The following NEDD4L variants were observed in gnomAD, a reference collection of about 807,000 sequenced individuals.
The protein encoded by NEDD4L is E3 ubiquitin-protein ligase NEDD4-like.
NEDD4L carries 54 observed loss-of-function variants against 148.9 expected under a neutral mutation model. The ratio of observed to expected loss-of-function variants is 0.36; its 90% CI spans 0.29 to 0.45. The LOEUF (loss-of-function observed/expected upper bound fraction) is 0.45, where lower values mean the gene tolerates loss of function less well. Among genes scored for constraint, NEDD4L ranks in the 20% least tolerant of loss-of-function variants. The pLI, the probability that NEDD4L is intolerant of heterozygous loss-of-function variation, is 1.00. For missense variants in NEDD4L, 856 were observed against 1,233.8 expected (o/e 0.69, Z 4.59); for synonymous variants, 433 against 440.7 (o/e 0.98, Z 0.22).
intron 2 of NEDD4L, among the ~76,000 whole-genome samples, chr18:58,180,821 G>T (rs952590304): frequency 6.6e-6 from 1 of 152,202 alleles, no homozygotes; most frequent in Non-Finnish European, 1.5e-5. Context: ...CTGCAGAGGG[G>T]CTCTGCCCAT....
In NEDD4L at chr18:58,397,256, G is replaced by T. The variant is rs1484242599; in HGVS notation, c.*987G>T. 1 of 152,626 alleles carries T rather than the reference G, an allele frequency of 6.6e-6. No homozygotes were observed. Among genetic ancestry groups the T allele is most frequent in the Non-Finnish European group, 1.5e-5 (1 of 68,034 alleles). The allele number at this position is 152,626 out of a possible 1,614,324, so 9.5% of individuals were successfully genotyped here. On this transcript the variant is annotated 3_prime_UTR_variant, in exon 31 of 31. Coordinates refer to ENST00000400345, the MANE Select transcript of NEDD4L (RefSeq NM_001144967.3). ...GATCTGTTTAGTCTCCTGTTTGTATGCGTTTGCTAATGGTAGCTAAATAAC... is the reference window on the plus strand; with the variant it reads ...GATCTGTTTAGTCTCCTGTTTGTATTCGTTTGCTAATGGTAGCTAAATAAC...
intron 5 of NEDD4L, among the ~76,000 whole-genome samples, chr18:58,289,291 C>A (rs2054366059): frequency 6.6e-6 from 1 of 152,112 alleles, no homozygotes. Flanking sequence ...GGCTGAGGGG[C>A]AGGTGGGAGG....
chr18:58,282,473 A>C (rs2053285770), intron 5 of NEDD4L, among the ~76,000 whole-genome samples: 1 of 152,252 alleles, frequency 6.6e-6, no homozygotes, highest in African/African-American at 2.4e-5. Context: ...AAATTAAATA[A>C]AAGATAAGTC....
At position 58,184,466 on chromosome 18, in the gene NEDD4L, G is replaced by A. The variant is rs190207915; in HGVS notation, c.122+18605G>A. Among the ~76,000 whole-genome samples the A allele has an allele frequency of 1.4e-3, 220 of 152,070 alleles. 1 individual carries two copies. Among genetic ancestry groups the A allele is most frequent in the Non-Finnish European group, 2.3e-3 (158 of 67,972 alleles). On this transcript the variant is annotated intron_variant, in intron 2 of 30. Coordinates refer to ENST00000400345, the MANE Select transcript of NEDD4L (RefSeq NM_001144967.3). ...TCAATCATGCCGGGCACTAGCATCCGTCATCTTAGGAGGTAGGGATTATTA... is the reference window on the plus strand; with the variant it reads ...TCAATCATGCCGGGCACTAGCATCCATCATCTTAGGAGGTAGGGATTATTA...
chr18:58,164,874 G>A (rs979146755), intron 1 of NEDD4L, among the ~76,000 whole-genome samples: 9 of 152,192 alleles, frequency 5.9e-5, no homozygotes, highest in Admixed American at 1.3e-4. Flanking sequence ...CAGACCAGAC[G>A]TTTCTCCCCA....
chr18:58,177,047 AG>A (rs1300998778), intron 2 of NEDD4L, among the ~76,000 whole-genome samples: 1 of 151,966 alleles, frequency 6.6e-6, no homozygotes, highest in Non-Finnish European at 1.5e-5. Flanking sequence ...GGCCAGTCCT[AG>A]GGCTGGTGAA....
intron 1 of NEDD4L, among the ~76,000 whole-genome samples, chr18:58,122,883 C>T (rs982820650): frequency 1.3e-5 from 2 of 152,050 alleles, no homozygotes; most frequent in African/African-American, 2.4e-5. Flanking sequence ...CAGGTGTGTG[C>T]CACCACGCCT....
intron 2 of NEDD4L, among the ~76,000 whole-genome samples, chr18:58,193,634 A>T (rs957112918): frequency 1.3e-5 from 2 of 152,226 alleles, no homozygotes. Context: ...TCAGGTTGGC[A>T]TCTGCTTCTG....
rs1470934651 is a variant in NEDD4L at position 58,187,414 on chromosome 18, G to A, written c.122+21553G>A. On this transcript the variant is annotated intron_variant, in intron 2 of 30. Coordinates refer to ENST00000400345, the MANE Select transcript of NEDD4L (RefSeq NM_001144967.3). ...GGAAAATCAGCAGAGGGCAGGGACC[G>A]GGGAAGAAGGAGTAAGAAGGGAAAC... is the stretch of plus-strand genomic sequence containing the variant. 4.6e-5 allele frequency among the ~76,000 whole-genome samples: 7 copies of A among 152,160 alleles called. No individual in the cohort carries two copies. In the South Asian group the frequency reaches 1.0e-3, roughly 23 times the overall value.
At chr18:58,229,980 C>T (rs1452102425) in intron 2 of NEDD4L, among the ~76,000 whole-genome samples, 1 of 150,250 alleles carries the variant, frequency 6.7e-6, no homozygotes, top group Non-Finnish European at 1.5e-5. Context: ...CAGAGTGAGA[C>T]TCTGTCTCAA....
At chr18:58,285,861 C>G (rs1325433087) in intron 5 of NEDD4L, among the ~76,000 whole-genome samples, 1 of 152,318 alleles carries the variant, frequency 6.6e-6, no homozygotes, top group African/African-American at 2.4e-5. Context: ...ACTCTTTACC[C>G]TACAAATCTT....
chr18:58,203,846 T>C (rs1321867866), intron 2 of NEDD4L, among the ~76,000 whole-genome samples: 1 of 152,182 alleles, frequency 6.6e-6, no homozygotes, highest in Non-Finnish European at 1.5e-5. Flanking sequence ...AACAACTGTG[T>C]ACTGCAATTT....
chr18:58,165,103 G>A (rs886115072), intron 1 of NEDD4L, among the ~76,000 whole-genome samples: 2 of 152,144 alleles, frequency 1.3e-5, no homozygotes, highest in South Asian at 2.1e-4. Context: ...TGGGCTGCTT[G>A]TTGCCTTCAA....
chr18:58,357,405 A>T (rs2044826325), intron 19 of NEDD4L, 153 bp downstream of exon 19: 2 of 770,794 alleles, frequency 2.6e-6, no homozygotes, highest in East Asian at 2.5e-5. Context: ...TCCTTACTGA[A>T]GTTTCCAGGT....
At chr18:58,251,686 A>G (rs2047961208) in intron 4 of NEDD4L, among the ~76,000 whole-genome samples, 1 of 152,228 alleles carries the variant, frequency 6.6e-6, no homozygotes, top group Non-Finnish European at 1.5e-5. Context: ...TTTTTGATCT[A>G]CAGTCATGAG....
At chr18:58,370,982 C>T (rs11152069) in intron 23 of NEDD4L, among the ~76,000 whole-genome samples, 41,007 of 151,904 alleles carry the variant, frequency 0.27, 5,701 homozygotes, top group Middle Eastern at 0.35. Flanking sequence ...TTTCATGTTG[C>T]ATTTAACATT....
At chr18:58,360,918 C>T (rs1415028965) in intron 19 of NEDD4L, among the ~76,000 whole-genome samples, 3 of 152,152 alleles carry the variant, frequency 2.0e-5, no homozygotes, top group South Asian at 2.1e-4. Context: ...GGACCTCATA[C>T]CCACTTTGGC....
intron 1 of NEDD4L, among the ~76,000 whole-genome samples, chr18:58,050,724 G>A (rs770428852): frequency 2.0e-4 from 31 of 152,162 alleles, no homozygotes; most frequent in Non-Finnish European, 3.8e-4. Flanking sequence ...TCGGGCCATT[G>A]TGCTCCAGCC....
At chr18:58,292,447 C>T (rs2054901879) in intron 5 of NEDD4L, among the ~76,000 whole-genome samples, 1 of 152,152 alleles carries the variant, frequency 6.6e-6, no homozygotes. Flanking sequence ...GAGGGGTGCC[C>T]CCACCTCACC....
Sources: allele counts gnomAD v4.1 joint callset (sites outside exome capture counted in the v4.1 genomes callset), GRCh38; gene constraint gnomAD v4.1.1; transcripts MANE v1.5; gene names NCBI Gene and HGNC (gene_info 2026-07-23, HGNC 2026-07-21).